The following KCNQ3 variants were observed in gnomAD, a reference collection of about 807,000 sequenced individuals.
The protein encoded by KCNQ3 is potassium voltage-gated channel subfamily KQT member 3.
A neutral mutation model predicts 92.5 loss-of-function variants in KCNQ3; 30 were observed. That is an observed-to-expected ratio of 0.32 (90% CI 0.24 to 0.44). The LOEUF is 0.44. Ranked by LOEUF, KCNQ3 falls within the 20% of genes least tolerant of loss-of-function variation. KCNQ3 has a pLI of 1.00. For missense variants in KCNQ3, 913 were observed against 1,140.3 expected (o/e 0.80, Z 2.87); for synonymous variants, 450 against 468.8 (o/e 0.96, Z 0.52).
intron 1 of KCNQ3, among the ~76,000 whole-genome samples, chr8:132,195,938 T>A (rs1380459198): frequency 6.6e-6 from 1 of 152,210 alleles, no homozygotes; most frequent in Admixed American, 6.5e-5. Flanking sequence ...CATTATCTAT[T>A]GATGAAAGGG....
At chr8:132,346,668 G>C (rs1234243696) in intron 1 of KCNQ3, among the ~76,000 whole-genome samples, 1 of 152,204 alleles carries the variant, frequency 6.6e-6, no homozygotes, top group Non-Finnish European at 1.5e-5. Context: ...CTTCATGTTT[G>C]CCTGGACAAA....
chr8:132,335,611 T>C lies in KCNQ3; in HGVS notation c.386+144536A>G, dbSNP rs148211319. Among the ~76,000 whole-genome samples the C allele has an allele frequency of 3.6e-3, 543 of 152,274 alleles. 3 individuals are homozygous for C. The highest frequency in any genetic ancestry group is 0.012 in the African/African-American group (504 of 41,556). The stretch of plus-strand genomic sequence containing the variant: ...TTGGGGATGTCAGGTCTCCTTTCTT[T>C]TCATTCAAAGCTTTCATTCCTTACA... On this transcript the variant is annotated intron_variant, in intron 1 of 14. Transcript: ENST00000388996.
chr8:132,442,650 C>T (rs1353269741), intron 1 of KCNQ3, among the ~76,000 whole-genome samples: 2 of 152,186 alleles, frequency 1.3e-5, no homozygotes, highest in East Asian at 3.9e-4. Flanking sequence ...CAAGCTACCC[C>T]GGGGAGCCGC....
At position 132,138,093 on chromosome 8, in the gene KCNQ3, C is replaced by T. The variant is rs1825165723; in HGVS notation, c.1569-77G>A. ...GCTATAACAGAAGGCTAGCAAACTC[C>T]AGGGCAGGGGGAGAAAAGAACCAAA... On this transcript the variant is annotated intron_variant, in intron 11 of 14. Coordinates refer to ENST00000388996, the MANE Select transcript of KCNQ3 (RefSeq NM_004519.4). 3.9e-6 allele frequency: 6 copies of T among 1,528,306 alleles called. No homozygotes were observed. In the Admixed American group the frequency reaches 6.7e-5, roughly 17 times the overall value. The allele number at this position is 1,528,306 out of a possible 1,614,324, so 94.7% of individuals were successfully genotyped here. A position where few individuals can be genotyped will look rare whatever the true frequency, so the allele number is the denominator to read the frequency against.
intron 9 of KCNQ3, among the ~76,000 whole-genome samples, chr8:132,162,836 G>A (rs1378360061): frequency 6.6e-6 from 1 of 151,516 alleles, no homozygotes; most frequent in Non-Finnish European, 1.5e-5. Context: ...CCCAAATTCT[G>A]TCAGCACTAG....
At chr8:132,457,398 G>A (rs759763688) in intron 1 of KCNQ3, among the ~76,000 whole-genome samples, 2 of 152,154 alleles carry the variant, frequency 1.3e-5, no homozygotes, top group Admixed American at 6.5e-5. Flanking sequence ...CACGCCTCCA[G>A]CTTCATCTCT....
At chr8:132,195,498 T>C (rs1200194223) in intron 1 of KCNQ3, among the ~76,000 whole-genome samples, 1 of 152,194 alleles carries the variant, frequency 6.6e-6, no homozygotes, top group Non-Finnish European at 1.5e-5. Context: ...CAGCAAGAGC[T>C]GTCAGTGAGG....
chr8:132,179,951 G>C (rs1826698795), intron 4 of KCNQ3, among the ~76,000 whole-genome samples: 1 of 152,154 alleles, frequency 6.6e-6, no homozygotes, highest in Non-Finnish European at 1.5e-5. Flanking sequence ...AGTTTCACCT[G>C]TTCCTGCTCC....
chr8:132,396,488 G>A (rs1255729901), intron 1 of KCNQ3, among the ~76,000 whole-genome samples: 1 of 150,780 alleles, frequency 6.6e-6, no homozygotes, highest in African/African-American at 2.4e-5. Context: ...TTATCAAAAG[G>A]AAGACATTTC....
intron 1 of KCNQ3, among the ~76,000 whole-genome samples, chr8:132,202,144 G>A (rs1180659447): frequency 1.3e-5 from 2 of 152,104 alleles, no homozygotes; most frequent in African/African-American, 4.8e-5. Flanking sequence ...TTGGGGAGCA[G>A]AGACCTAAGG....
At chr8:132,264,707 C>T (rs752374247) in intron 1 of KCNQ3, among the ~76,000 whole-genome samples, 2 of 152,180 alleles carry the variant, frequency 1.3e-5, no homozygotes, top group Non-Finnish European at 2.9e-5. Flanking sequence ...GCTTTAAATC[C>T]GTGCTCTATC....
chr8:132,348,341 G>C (rs1818757607), intron 1 of KCNQ3, among the ~76,000 whole-genome samples: 1 of 152,132 alleles, frequency 6.6e-6, no homozygotes. Flanking sequence ...GCTGGACTTG[G>C]ATAAGGGCTG....
intron 1 of KCNQ3, among the ~76,000 whole-genome samples, chr8:132,423,246 G>T (rs1027955660): frequency 6.6e-6 from 1 of 152,160 alleles, no homozygotes; most frequent in African/African-American, 2.4e-5. Flanking sequence ...GGACCAAAGG[G>T]AACCATTTCT....
At chr8:132,330,349 T>C (rs1818193549) in intron 1 of KCNQ3, among the ~76,000 whole-genome samples, 1 of 152,254 alleles carries the variant, frequency 6.6e-6, no homozygotes, top group Non-Finnish European at 1.5e-5. Flanking sequence ...TACTTCATTA[T>C]GGCCATCTCA....
intron 1 of KCNQ3, among the ~76,000 whole-genome samples, chr8:132,474,448 AGAGAAG>A (rs1822362778): frequency 6.6e-6 from 1 of 152,182 alleles, no homozygotes; most frequent in South Asian, 2.1e-4. Flanking sequence ...TAAAAAAACT[AGAGAAG>A]TGATCACCCT....
Position 132,479,414 on chromosome 8 carries a change from A to C in KCNQ3, c.386+733T>G, listed in dbSNP as rs1257673671. On this transcript the variant is annotated intron_variant, in intron 1 of 14. Transcript: ENST00000388996. ...GGGAATATCGGATCCCAAATCAAGG[A>C]GATGTTTCAGCCAAAAGAGTCCCCG... is the stretch of plus-strand genomic sequence containing the variant. 3.3e-5 allele frequency among the ~76,000 whole-genome samples: 5 copies of C among 152,216 alleles called. No homozygotes were observed. The East Asian group carries it at 9.7e-4, about 29-fold the overall frequency.
At chr8:132,344,580 T>A (rs1189946601) in intron 1 of KCNQ3, among the ~76,000 whole-genome samples, 1 of 152,010 alleles carries the variant, frequency 6.6e-6, no homozygotes, top group Non-Finnish European at 1.5e-5. Flanking sequence ...CCTGGAGGAG[T>A]AAAGAAACAT....
intron 1 of KCNQ3, among the ~76,000 whole-genome samples, chr8:132,349,984 T>C (rs981391904): frequency 1.3e-5 from 2 of 152,250 alleles, no homozygotes; most frequent in African/African-American, 4.8e-5. Flanking sequence ...AGCGAGATCA[T>C]GCTTCATGGA....
In KCNQ3 at chr8:132,313,910, C is replaced by T. The variant is rs77371567; in HGVS notation, c.387-127729G>A. Reference sequence around the variant, plus strand: ...ACACTTAATAAGTTCCCAGCCAAATCTCCACAGTAACCTTATGAGATAGGT... The same window carrying T: ...ACACTTAATAAGTTCCCAGCCAAATTTCCACAGTAACCTTATGAGATAGGT... On this transcript the variant is annotated intron_variant, in intron 1 of 14. Transcript: ENST00000388996. 4.8e-3 allele frequency among the ~76,000 whole-genome samples: 730 copies of T among 152,280 alleles called. 4 individuals are homozygous for T. Among genetic ancestry groups the T allele is most frequent in the African/African-American group, 0.017 (690 of 41,540 alleles).
Sources: allele counts gnomAD v4.1 joint callset (sites outside exome capture counted in the v4.1 genomes callset), GRCh38; gene constraint gnomAD v4.1.1; transcripts MANE v1.5; gene names NCBI Gene and HGNC (gene_info 2026-07-23, HGNC 2026-07-21).